The following SLC38A10 variants were observed in gnomAD, a reference collection of about 807,000 sequenced individuals.
The protein encoded by SLC38A10 is Sodium-coupled neutral amino acid transporter 10.
SLC38A10 carries 53 observed loss-of-function variants against 81.0 expected under a neutral mutation model. That is an observed-to-expected ratio of 0.65 (90% CI 0.53 to 0.82). The LOEUF (loss-of-function observed/expected upper bound fraction) is 0.82. Among genes scored for constraint, SLC38A10 ranks in the 40% least tolerant of loss-of-function variants. The pLI, the probability that SLC38A10 is intolerant of heterozygous loss-of-function variation, is 0.00. For missense variants in SLC38A10, 1,471 were observed against 1,545.0 expected (o/e 0.95, Z 0.80); for synonymous variants, 665 against 655.3 (o/e 1.01, Z -0.23).
At position 81,276,258 on chromosome 17, in the gene SLC38A10, T is replaced by A; in HGVS notation, c.730-107A>T. ...GGGACCTGTGCCCTGCCCCCCAGAA[T>A]GGCCTTCAATCCACTTCATAATGAA... On this transcript the variant is annotated intron_variant, in intron 7 of 15. Transcript: ENST00000374759. This position sits in a 1 kb window ranked among gnomAD's most constrained non-coding sequence, Gnocchi z 4.7. The A allele has an allele frequency of 9.7e-7, 1 of 1,036,112 alleles. No individual in the cohort carries two copies. The highest frequency in any genetic ancestry group is 2.8e-5 in the East Asian group (1 of 36,092). 64.2% of individuals were successfully genotyped at this position (1,036,112 alleles called of 1,614,324 possible). A position where few individuals can be genotyped will look rare whatever the true frequency, so the allele number is the denominator to read the frequency against.
Position 81,245,862 on chromosome 17 carries a change from T to C in SLC38A10, c.3054A>G (p.Pro1018=). 1 of 1,612,276 alleles carries C rather than the reference T, an allele frequency of 6.2e-7. No homozygotes were observed. Among genetic ancestry groups the C allele is most frequent in the Non-Finnish European group, 8.5e-7 (1 of 1,179,634 alleles). Residue 1018 remains proline (P), a synonymous_variant, in exon 16 of 16, where the codon CCA becomes CCG. Transcript: ENST00000374759. ...AVQEPRQRPE[P]ELGLKRAVPG... is the part of the protein sequence containing the mutation. ...GGACAGCTCGTTTGAGCCCCAGCTC[T>C]GGCTCTGGCCTCTGCCTGGGCTCCT...
chr17:81,275,657 G>A (rs1346329452), intron 8 of SLC38A10, among the ~76,000 whole-genome samples: 7 of 144,434 alleles, frequency 4.8e-5, no homozygotes, highest in African/African-American at 1.1e-4. Context: ...GCGTGAACCC[G>A]GGAGGCGGAG....
intron 10 of SLC38A10, among the ~76,000 whole-genome samples, chr17:81,266,400 A>G (rs545035328): frequency 6.6e-6 from 1 of 152,288 alleles, no homozygotes; most frequent in East Asian, 1.9e-4. Flanking sequence ...CGGGCGGATC[A>G]TGAGGTCAGG....
chr17:81,259,335 C>T (rs535077936), intron 11 of SLC38A10, among the ~76,000 whole-genome samples: 15 of 152,336 alleles, frequency 9.8e-5, no homozygotes, highest in South Asian at 6.2e-4. Context: ...CTGACTGAGC[C>T]GGGGCCTCTG....
intron 14 of SLC38A10, chr17:81,250,824 G>A: frequency 2.0e-6 from 2 of 1,009,136 alleles, no homozygotes; most frequent in Non-Finnish European, 2.4e-6. Context: ...GAGGCCACAA[G>A]GAGGGGTCGC....
At chr17:81,292,600 A>G (rs1452461719) in intron 1 of SLC38A10, among the ~76,000 whole-genome samples, 1 of 152,228 alleles carries the variant, frequency 6.6e-6, no homozygotes, top group Non-Finnish European at 1.5e-5. Context: ...CGGCCAGATC[A>G]GAGCAACTGG....
intron 1 of SLC38A10, among the ~76,000 whole-genome samples, chr17:81,291,342 C>A (rs1455925933): frequency 1.3e-5 from 2 of 151,930 alleles, no homozygotes; most frequent in African/African-American, 4.8e-5. Flanking sequence ...AAAAAATTAG[C>A]CAGGCTTGGT....
In SLC38A10 at chr17:81,262,752, C is replaced by T. The variant is rs182496402; in HGVS notation, c.1132-2358G>A. ...GCCAGGGAGCACAGCAAGACCCGGCCCCTCCAGGCCTCAAACGCTTTAGAC... is the reference window on the plus strand; with the variant it reads ...GCCAGGGAGCACAGCAAGACCCGGCTCCTCCAGGCCTCAAACGCTTTAGAC... On this transcript the variant is annotated intron_variant, in intron 10 of 15. Transcript: ENST00000374759. 4.5e-3 allele frequency among the ~76,000 whole-genome samples: 692 copies of T among 152,344 alleles called. 3 individuals carry two copies. The highest frequency in any genetic ancestry group is 7.0e-3 in the Non-Finnish European group (475 of 68,040).
chr17:81,276,360 G>C lies in SLC38A10; in HGVS notation c.730-209C>G, dbSNP rs2063162310. Among the ~76,000 whole-genome samples, 1 of 151,812 alleles carries C rather than the reference G, an allele frequency of 6.6e-6. No homozygotes were observed. Among genetic ancestry groups the C allele is most frequent in the Non-Finnish European group, 1.5e-5 (1 of 67,966 alleles). On this transcript the variant is annotated intron_variant, in intron 7 of 15. Transcript: ENST00000374759. This position sits in a 1 kb window ranked among gnomAD's most constrained non-coding sequence, Gnocchi z 4.7. The stretch of plus-strand genomic sequence containing the variant: ...TTCTAAAAATCTCTAGTTTCTGTAA[G>C]AACATGCCCATTTCTTTCTTTTTCT...
rs2062931806 is a variant in SLC38A10, at chr17:81,252,731, C to T, written c.1457-48G>A. ...TGGGGTCAGGCTGAGGCCCCTCCTT[C>T]CCTTCCCAGGGAATTAGAACTGGGT... is the stretch of plus-strand genomic sequence containing the variant. On this transcript the variant is annotated intron_variant, in intron 12 of 15. Coordinates refer to ENST00000374759, the MANE Select transcript of SLC38A10 (RefSeq NM_001037984.3). 6.5e-6 allele frequency: 10 copies of T among 1,532,186 alleles called. No individual in the cohort carries two copies. The East Asian group carries it at 2.2e-4, about 34-fold the overall frequency. 94.9% of individuals were successfully genotyped at this position (1,532,186 alleles called of 1,614,324 possible).
intron 11 of SLC38A10, among the ~76,000 whole-genome samples, 172 bp downstream of exon 11, chr17:81,260,066 A>C (rs2063007349): frequency 6.6e-6 from 1 of 152,202 alleles, no homozygotes; most frequent in Non-Finnish European, 1.5e-5. Flanking sequence ...TGCCACAGCC[A>C]GCCATGGTGC....
intron 1 of SLC38A10, among the ~76,000 whole-genome samples, chr17:81,293,895 A>C (rs928731279): frequency 6.6e-6 from 1 of 152,230 alleles, no homozygotes; most frequent in African/African-American, 2.4e-5. Context: ...AACAGATGAC[A>C]CTTAGAAATG....
intron 8 of SLC38A10, among the ~76,000 whole-genome samples, 181 bp from the exon 9 acceptor site, chr17:81,272,808 C>G (rs1344802067): frequency 6.6e-6 from 1 of 152,158 alleles, no homozygotes; most frequent in African/African-American, 2.4e-5. Flanking sequence ...GCAACTTAAA[C>G]GGGAACCTGC....
Position 81,283,332 on chromosome 17 carries a change from C to T in SLC38A10, c.357+77G>A. On this transcript the variant is annotated intron_variant, in intron 4 of 15. Transcript: ENST00000374759. This position sits in a 1 kb window ranked among gnomAD's most constrained non-coding sequence, Gnocchi z 4.7. ...TCCCGACCAGCACCCAGGTCTCGGT[C>T]CTCGGGAGGATCCCACAGAGGGCCT... 1.5e-6 allele frequency: 2 copies of T among 1,353,818 alleles called. No homozygotes were observed. The highest frequency in any genetic ancestry group is 1.2e-5 in the South Asian group (1 of 80,822). 83.9% of individuals were successfully genotyped at this position (1,353,818 alleles called of 1,614,324 possible).
intron 2 of SLC38A10, among the ~76,000 whole-genome samples, chr17:81,287,401 G>A (rs72850642): frequency 0.095 from 14,416 of 152,164 alleles, 947 homozygotes; most frequent in Non-Finnish European, 0.15. Context: ...TCTGCACAAG[G>A]GCCTCGCCTC....
Position 81,277,269 on chromosome 17 carries a change from G to T in SLC38A10, c.627-136C>A. The T allele has an allele frequency of 1.3e-6, 1 of 762,170 alleles. No individual in the cohort carries two copies. Among genetic ancestry groups the T allele is most frequent in the Non-Finnish European group, 2.2e-6 (1 of 459,930 alleles). 47.2% of individuals were successfully genotyped at this position (762,170 alleles called of 1,614,324 possible). A position where few individuals can be genotyped will look rare whatever the true frequency, so the allele number is the denominator to read the frequency against. Reference sequence around the variant, plus strand: ...ATGCAACATTCTCTGCACACTGGAAGTCCCAGCGCTGAGGCCAGGACTTGG... The same window carrying T: ...ATGCAACATTCTCTGCACACTGGAATTCCCAGCGCTGAGGCCAGGACTTGG... On this transcript the variant is annotated intron_variant, in intron 6 of 15. Transcript: ENST00000374759. The surrounding 1 kb of genome is among the most constrained non-coding windows in gnomAD (Gnocchi z 4.5).
At chr17:81,294,715 C>T (rs898381641) in intron 1 of SLC38A10, 108 bp downstream of exon 1, 2 of 1,026,826 alleles carry the variant, frequency 1.9e-6, no homozygotes, top group Non-Finnish European at 1.3e-6. Flanking sequence ...CGCCTGCACC[C>T]GCCCAGCGAA....
chr17:81,256,323 C>A (rs1355269952), intron 11 of SLC38A10, among the ~76,000 whole-genome samples: 3 of 152,226 alleles, frequency 2.0e-5, no homozygotes, highest in Non-Finnish European at 2.9e-5. Context: ...GGGGCAACAT[C>A]TAATGCATCC....
chr17:81,278,309 G>A (rs1040042857), intron 6 of SLC38A10, among the ~76,000 whole-genome samples: 8 of 152,142 alleles, frequency 5.3e-5, no homozygotes, highest in African/African-American at 1.7e-4. Context: ...ACTGGAGCCC[G>A]GGAGGTCGAG....
Sources: gnomAD v4.1 joint callset for allele counts (sites outside exome capture counted in the v4.1 genomes callset) on GRCh38, gnomAD v4.1.1 for gene constraint, Gnocchi (gnomAD v3.1) non-coding constraint, MANE v1.5 for transcripts, NCBI Gene and HGNC (gene_info 2026-07-23, HGNC 2026-07-21) for gene names.